The following CASK variants were observed in gnomAD, a reference collection of about 807,000 sequenced individuals.
The protein encoded by CASK is peripheral plasma membrane protein CASK.
Under a neutral mutation model 82.9 loss-of-function variants are expected in CASK, and 4 were observed. The ratio of observed to expected loss-of-function variants is 0.05; its 90% confidence interval spans 0.02 to 0.11. The LOEUF is 0.11. CASK is among the 10% of genes least tolerant of loss of function. The pLI is 1.00. For synonymous variants in CASK, 259 were observed against 253.5 expected (o/e 1.02, Z -0.20); for missense variants, 358 against 720.9 (o/e 0.50, Z 5.76).
intron 1 of CASK, among the ~76,000 whole-genome samples, chrX:41,895,015 A>C (rs888563733): frequency 3.6e-5 from 4 of 111,629 alleles, no homozygotes; most frequent in Non-Finnish European, 7.5e-5. Context: ...TATTGCTCCT[A>C]GTTATGCTAG....
At chrX:41,611,748 A>G (rs1459073222) in intron 11 of CASK, among the ~76,000 whole-genome samples, 1 of 105,024 alleles carries the variant, frequency 9.5e-6, no homozygotes, top group Non-Finnish European at 2.0e-5. Context: ...TCTGATGCCG[A>G]GCCGAAGCTG....
intron 5 of CASK, among the ~76,000 whole-genome samples, chrX:41,712,793 A>G (rs1050719079): frequency 8.0e-5 from 9 of 111,838 alleles, no homozygotes; most frequent in Admixed American, 7.6e-4. Flanking sequence ...GCCTTTTGAG[A>G]TATCTTTTCA....
Position 41,900,133 on chromosome X carries a change from A to C in CASK, c.59+22797T>G, listed in dbSNP as rs774992706. Among the ~76,000 whole-genome samples the C allele has an allele frequency of 3.7e-5, 4 of 109,182 alleles. No homozygotes were observed. In the South Asian group the frequency reaches 1.2e-3, roughly 32 times the overall value. The allele number at this position is 109,182 out of a possible 115,157, so 94.8% of individuals were successfully genotyped here. A position where few individuals can be genotyped will look rare whatever the true frequency, so the allele number is the denominator to read the frequency against. ...AGTTTCTGCTGAGAAATCCACTGAT[A>C]GTCTTATAGAGGTTTCCTTGTAGGT... On this transcript the variant is annotated intron_variant, in intron 1 of 26. Coordinates refer to ENST00000378163, the MANE Select transcript of CASK (RefSeq NM_001367721.1).
At chrX:41,903,204 AAG>A (rs746372603) in intron 1 of CASK, among the ~76,000 whole-genome samples, 2 of 112,591 alleles carry the variant, frequency 1.8e-5, no homozygotes, top group South Asian at 7.4e-4. Context: ...TTCACAAAGG[AAG>A]AGAGATGTGC....
intron 2 of CASK, among the ~76,000 whole-genome samples, chrX:41,807,814 G>A (rs752205182): frequency 6.3e-5 from 7 of 111,444 alleles, no homozygotes; most frequent in East Asian, 2.8e-4. Flanking sequence ...CATTCATGAC[G>A]GAGGATTCCT....
intron 3 of CASK, among the ~76,000 whole-genome samples, chrX:41,770,317 C>T (rs28695323): frequency 0.015 from 1,333 of 88,497 alleles, 18 homozygotes; most frequent in African/African-American, 0.024. Context: ...CCTACCTATC[C>T]ATCCATCCAT....
intron 3 of CASK, among the ~76,000 whole-genome samples, chrX:41,753,083 T>C (rs2068824526): frequency 8.9e-6 from 1 of 112,093 alleles, no homozygotes; most frequent in African/African-American, 3.2e-5. Flanking sequence ...AATGATGTTA[T>C]AGACATATAT....
chrX:41,527,189 G>A (rs962689133), intron 25 of CASK, among the ~76,000 whole-genome samples: 2 of 110,160 alleles, frequency 1.8e-5, no homozygotes, highest in Non-Finnish European at 3.8e-5. Context: ...GAGAGAGACG[G>A]GGACAGAGAG....
intron 3 of CASK, among the ~76,000 whole-genome samples, chrX:41,753,961 T>C (rs1282185010): frequency 8.9e-6 from 1 of 112,614 alleles, no homozygotes; most frequent in Non-Finnish European, 1.9e-5. Context: ...CTAGACAATA[T>C]ACTTTTATTA....
intron 8 of CASK, among the ~76,000 whole-genome samples, chrX:41,654,436 C>T (rs963231209): frequency 3.6e-5 from 4 of 110,637 alleles, no homozygotes; most frequent in Admixed American, 1.9e-4. Context: ...TTTGGGAGGC[C>T]GAGGCGGGTG....
intron 1 of CASK, among the ~76,000 whole-genome samples, chrX:41,858,253 C>A (rs751595127): frequency 6.2e-5 from 7 of 112,009 alleles, no homozygotes; most frequent in Non-Finnish European, 1.1e-4. Context: ...AGACTGAGAG[C>A]CATCAGTTTT....
At chrX:41,699,072 G>A (rs776950422) in intron 5 of CASK, among the ~76,000 whole-genome samples, 38 of 109,903 alleles carry the variant, frequency 3.5e-4, no homozygotes, top group African/African-American at 1.3e-3. Flanking sequence ...GATTACAGGC[G>A]CCCGCCACCA....
At chrX:41,527,613 A>C (rs187275006) in intron 25 of CASK, among the ~76,000 whole-genome samples, 35 of 112,239 alleles carry the variant, frequency 3.1e-4, no homozygotes, top group Non-Finnish European at 6.0e-4. Flanking sequence ...CAAGAGAGAT[A>C]ACTGATTTCA....
intron 1 of CASK, among the ~76,000 whole-genome samples, chrX:41,885,708 T>C (rs1484478631): frequency 2.7e-5 from 3 of 111,898 alleles, no homozygotes; most frequent in African/African-American, 9.7e-5. Context: ...TCTTGTGTAG[T>C]GGTACGAGAA....
chrX:41,676,524 C>T lies in CASK; in HGVS notation c.430-4994G>A, dbSNP rs868231243. ...GGATGTTCCCGCAGTGGGCTCCCCT[C>T]GCGCCGGCACGCGGCCTCGCCTGGG... On this transcript the variant is annotated intron_variant, in intron 5 of 26. Coordinates refer to ENST00000378163, the MANE Select transcript of CASK (RefSeq NM_001367721.1). The T allele has an allele frequency of 2.4e-5, 27 of 1,144,527 alleles. No homozygotes were observed. In the Middle Eastern group the frequency reaches 2.9e-3, roughly 124 times the overall value. 94.3% of individuals were successfully genotyped at this position (1,144,527 alleles called of 1,213,427 possible). A position where few individuals can be genotyped will look rare whatever the true frequency, so the allele number is the denominator to read the frequency against.
chrX:41,866,235 A>G (rs1250529736), intron 1 of CASK, among the ~76,000 whole-genome samples: 1 of 112,425 alleles, frequency 8.9e-6, no homozygotes, highest in Non-Finnish European at 1.9e-5. Context: ...GACAGATCAG[A>G]GTGCCCACCG....
intron 3 of CASK, among the ~76,000 whole-genome samples, chrX:41,767,880 C>G (rs941241726): frequency 9.0e-6 from 1 of 111,409 alleles, no homozygotes; most frequent in Non-Finnish European, 1.9e-5. Flanking sequence ...TCTGTTAGTT[C>G]TCTCTACTGT....
rs147738759 is a variant in CASK, at chrX:41,665,385, T to C, written c.600A>G (p.Val200=). The C allele has an allele frequency of 3.3e-5, 40 of 1,207,047 alleles. No individual in the cohort carries two copies. In the African/African-American group the frequency reaches 5.9e-4, roughly 18 times the overall value. Residue 200 remains valine, a synonymous_variant, in exon 7 of 27, where the codon GTA becomes GTG. Coordinates refer to ENST00000378163, the MANE Select transcript of CASK (RefSeq NM_001367721.1). ...VVKREPYGKP[V]DVWGCGVILF... ...GGATCACACCGCACCCCCAGACGTCTACAGGCTTTCCGTAAGGCTCTCTTT... is the reference window on the plus strand; with the variant it reads ...GGATCACACCGCACCCCCAGACGTCCACAGGCTTTCCGTAAGGCTCTCTTT...
chrX:41,663,430 CA>C (rs200664617), intron 7 of CASK, among the ~76,000 whole-genome samples: 6 of 109,696 alleles, frequency 5.5e-5, no homozygotes, highest in Admixed American at 1.9e-4. Context: ...ACCCCAGGTA[CA>C]AAAAAAAATT....
Sources: allele counts gnomAD v4.1 joint callset (sites outside exome capture counted in the v4.1 genomes callset), GRCh38; gene constraint gnomAD v4.1.1; transcripts MANE v1.5; gene names NCBI Gene and HGNC (gene_info 2026-07-23, HGNC 2026-07-21).